Variants in PCDHGA9 observed in about 807,000 individuals in gnomAD.
PCDHGA9 encodes protocadherin gamma subfamily A, 9, also known as protocadherin gamma-A9.
PCDHGA9 carries 37 observed loss-of-function variants against 62.5 expected under a neutral mutation model. The ratio of observed to expected loss-of-function variants is 0.59; its 90% CI spans 0.46 to 0.78. The LOEUF (loss-of-function observed/expected upper bound fraction) is 0.78, where lower values mean the gene tolerates loss of function less well. PCDHGA9 is among the 30% of genes least tolerant of loss of function. The pLI is 0.00. For synonymous variants in PCDHGA9, 459 were observed against 484.6 expected (o/e 0.95, Z 0.69); for missense variants, 1,138 against 1,166.2 (o/e 0.98, Z 0.35).
chr5:141,417,613 G>A (rs984573855), intron 1 of PCDHGA9: 2 of 624,312 alleles, frequency 3.2e-6, no homozygotes, highest in African/African-American at 3.7e-5. Flanking sequence ...GTCGGCCAGT[G>A]CAGAGCAAGC....
chr5:141,435,922 G>A (rs1312886163), intron 1 of PCDHGA9, among the ~76,000 whole-genome samples: 1 of 152,070 alleles, frequency 6.6e-6, no homozygotes, highest in Non-Finnish European at 1.5e-5. Context: ...TCTAAAATGC[G>A]GCAGTTGCTG....
chr5:141,420,494 C>A (rs978136090), intron 1 of PCDHGA9: 1 of 499,510 alleles, frequency 2.0e-6, no homozygotes, highest in Non-Finnish European at 3.1e-6. Context: ...GGGTAATCTC[C>A]GGTGACATTT....
In PCDHGA9 at chr5:141,491,283, C is replaced by G; in HGVS notation, c.2425-3524C>G. ...AAATGCCCAAATCCAGTGACTTCCT[C>G]ATACACCCTCCTGAGCGTTCAGACC... On this transcript the variant is annotated intron_variant, in intron 1 of 3. Coordinates refer to ENST00000573521, the MANE Select transcript of PCDHGA9 (RefSeq NM_018921.3). The surrounding 1 kb of genome is among the most constrained non-coding windows in gnomAD (Gnocchi z 6.9). The G allele has an allele frequency of 1.2e-6, 2 of 1,614,164 alleles. No homozygotes were observed.
chr5:141,457,386 A>G lies in PCDHGA9; in HGVS notation c.2425-37421A>G, dbSNP rs1303460358. Reference sequence around the variant, plus strand: ...TGCAAAATAATTGCCCAGAACTAGCATATTGATTCACATTTTCACATTACC... The same window carrying G: ...TGCAAAATAATTGCCCAGAACTAGCGTATTGATTCACATTTTCACATTACC... On this transcript the variant is annotated intron_variant, in intron 1 of 3. Transcript: ENST00000573521. Among the ~76,000 whole-genome samples the G allele has an allele frequency of 5.3e-5, 8 of 152,210 alleles. No homozygotes were observed. The East Asian group carries it at 1.3e-3, about 26-fold the overall frequency.
In PCDHGA9 at chr5:141,510,915, A is replaced by G; in HGVS notation, c.2573-32A>G. 8 of 1,613,786 alleles carry G rather than the reference A, an allele frequency of 5.0e-6. No individual in the cohort carries two copies. The South Asian group carries it at 8.8e-5, about 18-fold the overall frequency. ...AGTGACTGTTGAGGACCCTAAGTTT[A>G]GCTCCCACCTGATCTTCCTCTGTCT... On this transcript the variant is annotated intron_variant, in intron 3 of 3. Coordinates refer to ENST00000573521, the MANE Select transcript of PCDHGA9 (RefSeq NM_018921.3).
Position 141,432,759 on chromosome 5 carries a change from G to A in PCDHGA9, c.2424+27383G>A. 6.2e-7 allele frequency: 1 copy of A among 1,614,150 alleles called. No individual in the cohort carries two copies. The highest frequency in any genetic ancestry group is 8.5e-7 in the Non-Finnish European group (1 of 1,180,006). On this transcript the variant is annotated intron_variant, in intron 1 of 3. Coordinates refer to ENST00000573521, the MANE Select transcript of PCDHGA9 (RefSeq NM_018921.3). This position sits in a 1 kb window ranked among gnomAD's most constrained non-coding sequence, Gnocchi z 6.0. ...ACGCTCACCGTGGCCGTGGCCGACA[G>A]CATCCCCCAAGTCCTGGCGGACCTC...
chr5:141,510,709 CAGTGAGTAAGGAA>C (rs1452833908), intron 3 of PCDHGA9, among the ~76,000 whole-genome samples: 7 of 152,168 alleles, frequency 4.6e-5, no homozygotes, highest in Admixed American at 4.6e-4. Flanking sequence ...CCCAGGATCA[CAGTGAGTAAGGAA>C]AGGAGCTAGG....
chr5:141,473,260 G>T (rs2099318007), intron 1 of PCDHGA9, among the ~76,000 whole-genome samples: 1 of 152,148 alleles, frequency 6.6e-6, no homozygotes, highest in South Asian at 2.1e-4. Flanking sequence ...ATAGTCCTTA[G>T]TGTATGCTAT....
Position 141,403,938 on chromosome 5 carries a change from G to C in PCDHGA9, c.986G>C (p.Gly329Ala), listed in dbSNP as rs1181403397. The change falls in exon 1 of 4, where the codon GGG becomes GCG. Residue 329 changes from glycine (G) to alanine (A), a missense_variant. Coordinates refer to ENST00000573521, the MANE Select transcript of PCDHGA9 (RefSeq NM_018921.3). ...IQAEDGGGLK[G>A]WTKVLISVED... The stretch of plus-strand genomic sequence containing the variant: ...GCTGAAGATGGTGGGGGATTGAAAG[G>C]GTGGACAAAAGTGCTCATTTCGGTG... 2 of 1,613,848 alleles carry C rather than the reference G, an allele frequency of 1.2e-6. No homozygotes were observed. The highest frequency in any genetic ancestry group is 1.7e-6 in the Non-Finnish European group (2 of 1,179,874).
chr5:141,431,273 C>T lies in PCDHGA9; in HGVS notation c.2424+25897C>T, dbSNP rs752219345. 54 of 1,614,068 alleles carry T rather than the reference C, an allele frequency of 3.3e-5. No individual in the cohort carries two copies. Among genetic ancestry groups the T allele is most frequent in the Non-Finnish European group, 4.1e-5 (48 of 1,180,052 alleles). On this transcript the variant is annotated intron_variant, in intron 1 of 3. Transcript: ENST00000573521. The surrounding 1 kb of genome is among the most constrained non-coding windows in gnomAD (Gnocchi z 4.8). Reference sequence around the variant, plus strand: ...GAAGAACTCTCTGCAGAGCTACGAGCTCAGCCCGAACACTCACTTCTCCCT... The same window carrying T: ...GAAGAACTCTCTGCAGAGCTACGAGTTCAGCCCGAACACTCACTTCTCCCT...
rs1423427104 is a variant in PCDHGA9, at chr5:141,417,737, C to T, written c.2424+12361C>T. 5 of 1,407,068 alleles carry T rather than the reference C, an allele frequency of 3.6e-6. No homozygotes were observed. In the African/African-American group the frequency reaches 7.2e-5, roughly 20 times the overall value. 87.2% of individuals were successfully genotyped at this position (1,407,068 alleles called of 1,614,324 possible). ...CCGGCTGCGCAGACCTTGCCCAGCA[C>T]ACCAGATTGCCAGCTCCGAGACCCG... is the stretch of plus-strand genomic sequence containing the variant. On this transcript the variant is annotated intron_variant, in intron 1 of 3. Transcript: ENST00000573521.
chr5:141,510,919 C>T (rs748157000), intron 3 of PCDHGA9, 28 bp from the exon 4 acceptor site: 1 of 1,613,894 alleles, frequency 6.2e-7, no homozygotes, highest in East Asian at 2.2e-5. Context: ...AAGTTTAGCT[C>T]CCACCTGATC....
chr5:141,463,764 G>A (rs2099069094), intron 1 of PCDHGA9, among the ~76,000 whole-genome samples: 1 of 151,916 alleles, frequency 6.6e-6, no homozygotes. Flanking sequence ...TTCTCTTATG[G>A]GTTAGAATCC....
At position 141,427,736 on chromosome 5, in the gene PCDHGA9, A is replaced by G. The variant is rs781594851; in HGVS notation, c.2424+22360A>G. 3.3e-6 allele frequency: 4 copies of G among 1,214,562 alleles called. No individual in the cohort carries two copies. In the South Asian group the frequency reaches 4.9e-5, roughly 15 times the overall value. The allele number at this position is 1,214,562 out of a possible 1,614,324, so 75.2% of individuals were successfully genotyped here. ...ACCTGGACCTAGGGCTGAATGGCCA[A>G]GTCTCCTACTCCATCGTTACCACTG... On this transcript the variant is annotated intron_variant, in intron 1 of 3. Coordinates refer to ENST00000573521, the MANE Select transcript of PCDHGA9 (RefSeq NM_018921.3).
chr5:141,418,864 A>T, intron 1 of PCDHGA9: 1 of 1,614,046 alleles, frequency 6.2e-7, no homozygotes, highest in Non-Finnish European at 8.5e-7. Context: ...AAGTAATTGT[A>T]GAAGTTGTAG....
At chr5:141,455,911 ATTTT>A (rs1404284843) in intron 1 of PCDHGA9, among the ~76,000 whole-genome samples, 2 of 114,614 alleles carry the variant, frequency 1.7e-5, no homozygotes, top group African/African-American at 3.3e-5. Context: ...TTATTTATTT[ATTTT>A]GAGACGGAGT....
chr5:141,420,111 C>T (rs747723647), intron 1 of PCDHGA9: 1 of 1,613,966 alleles, frequency 6.2e-7, no homozygotes, highest in African/African-American at 1.3e-5. Flanking sequence ...TTGCCCTATG[C>T]CTATAATTTT....
chr5:141,507,609 A>G (rs2099862010), intron 3 of PCDHGA9, among the ~76,000 whole-genome samples: 1 of 152,260 alleles, frequency 6.6e-6, no homozygotes, highest in Non-Finnish European at 1.5e-5. Context: ...ATAAACAGGT[A>G]TATTTAGCTG....
chr5:141,489,776 C>T lies in PCDHGA9; in HGVS notation c.2425-5031C>T. The T allele has an allele frequency of 6.2e-7, 1 of 1,614,202 alleles. No homozygotes were observed. Among genetic ancestry groups the T allele is most frequent in the Non-Finnish European group, 8.5e-7 (1 of 1,180,020 alleles). On this transcript the variant is annotated intron_variant, in intron 1 of 3. Transcript: ENST00000573521. This position sits in a 1 kb window ranked among gnomAD's most constrained non-coding sequence, Gnocchi z 4.5. ...ACTCTAAGCCCCAACAGCCACTTCT[C>T]TCTGAATGTGAAGACCCTAAAAGAT...
Sources: allele counts gnomAD v4.1 joint callset (sites outside exome capture counted in the v4.1 genomes callset), GRCh38; gene constraint gnomAD v4.1.1; non-coding constraint Gnocchi (gnomAD v3.1); transcripts MANE v1.5; gene names NCBI Gene and HGNC (gene_info 2026-07-23, HGNC 2026-07-21).